Variants in PRMT1 observed in about 807,000 individuals in gnomAD.
PRMT1 encodes the protein protein arginine methyltransferase 1, also known as protein arginine N-methyltransferase 1.
A neutral mutation model predicts 47.4 loss-of-function variants in PRMT1; 5 were observed. The ratio of observed to expected loss-of-function variants is 0.11; its 90% CI spans 0.06 to 0.22. PRMT1 has a LOEUF of 0.22. Among genes scored for constraint, PRMT1 ranks in the 10% least tolerant of loss-of-function variants. The probability of loss-of-function intolerance (pLI) is 1.00; values close to 1 mark genes in which losing one functional copy is unlikely to be tolerated. For missense variants in PRMT1, 249 were observed against 518.4 expected (o/e 0.48, Z 5.05); for synonymous variants, 227 against 204.6 (o/e 1.11, Z -0.94).
chr19:49,687,360 G>A (rs1240011214), intron 10 of PRMT1, among the ~76,000 whole-genome samples: 3 of 152,064 alleles, frequency 2.0e-5, no homozygotes, highest in Non-Finnish European at 2.9e-5. Flanking sequence ...TGGAGTCGCC[G>A]GGAGTGGTCT....
chr19:49,679,767 G>A, intron 1 of PRMT1, 105 bp from the exon 2 acceptor site: 1 of 809,134 alleles, frequency 1.2e-6, no homozygotes, highest in East Asian at 2.6e-5. Context: ...CCAAGAAGGA[G>A]AATTGCTGGA....
intron 5 of PRMT1, among the ~76,000 whole-genome samples, chr19:49,683,125 G>T (rs2082145292): frequency 6.6e-6 from 1 of 150,844 alleles, no homozygotes; most frequent in African/African-American, 2.4e-5. Context: ...CACCATGTTG[G>T]CCAGGCTGGT....
Position 49,685,046 on chromosome 19 carries a change from G to C in PRMT1, c.759+9G>C, listed in dbSNP as rs755095084. On this transcript the variant is annotated intron_variant, in intron 8 of 10. Transcript: ENST00000454376. The surrounding 1 kb of genome is among the most constrained non-coding windows in gnomAD (Gnocchi z 4.7). Reference sequence around the variant, plus strand: ...ACGCCTGCCTCATAAAGGTGAGGGGGTGGGCATGGCCAGGTGCCCCCTGGG... The same window carrying C: ...ACGCCTGCCTCATAAAGGTGAGGGGCTGGGCATGGCCAGGTGCCCCCTGGG... 6.2e-7 allele frequency: 1 copy of C among 1,614,104 alleles called. No individual in the cohort carries two copies. Among genetic ancestry groups the C allele is most frequent in the South Asian group, 1.1e-5 (1 of 91,062 alleles).
chr19:49,677,208 A>T (rs2082046717), upstream of PRMT1: 2 of 1,325,002 alleles, frequency 1.5e-6, no homozygotes, highest in Non-Finnish European at 2.0e-6. Flanking sequence ...ACCCTCTGGT[A>T]TAAGGCGGTC....
chr19:49,678,515 C>T (rs141168366), intron 1 of PRMT1, among the ~76,000 whole-genome samples: 59 of 152,256 alleles, frequency 3.9e-4, no homozygotes, highest in African/African-American at 1.3e-3. Flanking sequence ...TAGGCATCCC[C>T]GCTAGCTTGG....
Position 49,686,535 on chromosome 19 carries a change from CAGAGGGA to C in PRMT1, c.911-68_911-62del. 5 of 1,405,762 alleles carry C rather than the reference CAGAGGGA, an allele frequency of 3.6e-6. No individual in the cohort carries two copies. The South Asian group carries it at 5.1e-5, about 14-fold the overall frequency. 87.1% of individuals were successfully genotyped at this position (1,405,762 alleles called of 1,614,324 possible). On this transcript the variant is annotated intron_variant, in intron 9 of 10. Transcript: ENST00000454376. ...GCTGTCATGGGGGTGGGCATTCCGA[CAGAGGGA>C]ACGCAAGGGTGGGGTTGGGGGGGGC...
chr19:49,688,323 T>C lies in PRMT1; in HGVS notation c.*78T>C. ...TTTCGGGGCTCCCCCTTCCTCTCCC[T>C]CCCTCCCGCAGAAGGGGGTTTTAGG... On this transcript the variant is annotated 3_prime_UTR_variant, in exon 11 of 11. Coordinates refer to ENST00000454376, the MANE Select transcript of PRMT1 (RefSeq NM_001536.6). The surrounding 1 kb of genome is among the most constrained non-coding windows in gnomAD (Gnocchi z 5.3). 1.5e-6 allele frequency: 2 copies of C among 1,320,148 alleles called. No homozygotes were observed. Among genetic ancestry groups the C allele is most frequent in the Admixed American group, 1.7e-5 (1 of 59,056 alleles). The allele number at this position is 1,320,148 out of a possible 1,614,324, so 81.8% of individuals were successfully genotyped here. A position where few individuals can be genotyped will look rare whatever the true frequency, so the allele number is the denominator to read the frequency against.
chr19:49,683,070 G>T (rs1391815312), intron 5 of PRMT1, among the ~76,000 whole-genome samples: 2 of 151,178 alleles, frequency 1.3e-5, no homozygotes, highest in Admixed American at 6.6e-5. Context: ...GATTACAGGT[G>T]TGAACTTTTT....
At position 49,680,726 on chromosome 19, in the gene PRMT1, C is replaced by CCT; in HGVS notation, c.192+138_192+139insCT. The CCT allele has an allele frequency of 2.9e-6, 2 of 679,074 alleles. No individual in the cohort carries two copies. Among genetic ancestry groups the CCT allele is most frequent in the African/African-American group, 1.8e-5 (1 of 55,874 alleles). 42.1% of individuals were successfully genotyped at this position (679,074 alleles called of 1,614,324 possible). The stretch of plus-strand genomic sequence containing the variant: ...CCCCTGCCCCTCTGCTGCGCACTTC[C>CCT]TAGGGTCGCCTCGCCAAGCCGTTGC... On this transcript the variant is annotated intron_variant, in intron 3 of 10. Transcript: ENST00000454376. The surrounding 1 kb of genome is among the most constrained non-coding windows in gnomAD (Gnocchi z 4.2).
At position 49,682,400 on chromosome 19, in the gene PRMT1, G is replaced by A. The variant is rs547996228; in HGVS notation, c.412+141G>A. 69 of 875,112 alleles carry A rather than the reference G, an allele frequency of 7.9e-5. No homozygotes were observed. In the African/African-American group the frequency reaches 9.0e-4, roughly 11 times the overall value. 54.2% of individuals were successfully genotyped at this position (875,112 alleles called of 1,614,324 possible). A position where few individuals can be genotyped will look rare whatever the true frequency, so the allele number is the denominator to read the frequency against. On this transcript the variant is annotated intron_variant, in intron 5 of 10. Coordinates refer to ENST00000454376, the MANE Select transcript of PRMT1 (RefSeq NM_001536.6). ...CCCATGGTCTTTTGGGCTGCCGGCC[G>A]CCTGAGAATCTGAGTGTCAAAATCA...
chr19:49,684,408 G>A lies in PRMT1; in HGVS notation c.555+339G>A, dbSNP rs1178072181. Reference sequence around the variant, plus strand: ...TTGCTGCGTGTGGAACAGCAGGGAGGCCCGTGTGGAAGGAGGGTCTAGAAC... The same window carrying A: ...TTGCTGCGTGTGGAACAGCAGGGAGACCCGTGTGGAAGGAGGGTCTAGAAC... On this transcript the variant is annotated intron_variant, in intron 6 of 10. Coordinates refer to ENST00000454376, the MANE Select transcript of PRMT1 (RefSeq NM_001536.6). The surrounding 1 kb of genome is among the most constrained non-coding windows in gnomAD (Gnocchi z 6.2). Among the ~76,000 whole-genome samples the A allele has an allele frequency of 6.6e-6, 1 of 152,096 alleles. No individual in the cohort carries two copies. Among genetic ancestry groups the A allele is most frequent in the African/African-American group, 2.4e-5 (1 of 41,420 alleles).
upstream of PRMT1, chr19:49,677,256 G>A: frequency 7.0e-7 from 1 of 1,419,642 alleles, no homozygotes; most frequent in South Asian, 1.6e-5. Flanking sequence ...CTTGGCGGCC[G>A]GAGGAGGAGT....
chr19:49,680,093 C>A lies in PRMT1; in HGVS notation c.90+168C>A. On this transcript the variant is annotated intron_variant, in intron 2 of 10. Transcript: ENST00000454376. The surrounding 1 kb of genome is among the most constrained non-coding windows in gnomAD (Gnocchi z 4.2). ...AACCCCTCCAGGTTCACAGCCCCCGCTGGCCTCCCCCAGTATCGCCGCTAC... is the reference window on the plus strand; with the variant it reads ...AACCCCTCCAGGTTCACAGCCCCCGATGGCCTCCCCCAGTATCGCCGCTAC... The A allele has an allele frequency of 9.2e-7, 1 of 1,089,630 alleles. No homozygotes were observed. 67.5% of individuals were successfully genotyped at this position (1,089,630 alleles called of 1,614,324 possible).
intron 1 of PRMT1, 143 bp downstream of exon 1, chr19:49,677,459 C>A (rs1409599945): frequency 4.4e-5 from 28 of 633,630 alleles, no homozygotes; most frequent in Non-Finnish European, 5.9e-5. Context: ...GTTCCACATC[C>A]GGGGATATCG....
chr19:49,686,027 G>T, intron 8 of PRMT1, 66 bp from the exon 9 acceptor site: 1 of 1,564,010 alleles, frequency 6.4e-7, no homozygotes, highest in South Asian at 1.2e-5. Context: ...GGGAGCTTAA[G>T]GGAGGGAGGA....
rs373144744 is a variant in PRMT1, at chr19:49,681,885, C to T, written c.193-25C>T. The T allele has an allele frequency of 2.6e-5, 41 of 1,599,978 alleles. No individual in the cohort carries two copies. Among genetic ancestry groups the T allele is most frequent in the Middle Eastern group, 3.3e-4 (2 of 6,008 alleles). On this transcript the variant is annotated intron_variant, in intron 3 of 10. Transcript: ENST00000454376. The surrounding 1 kb of genome is among the most constrained non-coding windows in gnomAD (Gnocchi z 4.4). ...GCTGGGGATATGGGGCCCCTCACGG[C>T]GTCTCTGTGCCATTCTTGCCCTAGG...
intron 5 of PRMT1, 115 bp downstream of exon 5, chr19:49,682,374 A>AC (rs2082132051): frequency 8.8e-7 from 1 of 1,142,782 alleles, no homozygotes; most frequent in Admixed American, 2.2e-5. Flanking sequence ...GCAGCTCCCA[A>AC]CCCATGGTCT....
intron 1 of PRMT1, among the ~76,000 whole-genome samples, chr19:49,678,056 C>G (rs1168852752): frequency 2.0e-5 from 3 of 152,036 alleles, no homozygotes; most frequent in Non-Finnish European, 4.4e-5. Context: ...AGAGATTTTC[C>G]CATTAATAGG....
In PRMT1 at chr19:49,682,223, G is replaced by T. The variant is rs2082129329; in HGVS notation, c.376G>T (p.Ala126Ser). The T allele has an allele frequency of 6.2e-7, 1 of 1,613,836 alleles. No homozygotes were observed. Among genetic ancestry groups the T allele is most frequent in the African/African-American group, 1.3e-5 (1 of 74,916 alleles). ...GIECSSISDY[A>S]VKIVKANKLD... Reference sequence around the variant, plus strand: ...CGAGTGTTCCAGTATCTCTGATTATGCGGTGAAGATCGTCAAAGCCAACAA... The same window carrying T: ...CGAGTGTTCCAGTATCTCTGATTATTCGGTGAAGATCGTCAAAGCCAACAA... The change falls in exon 5 of 11, where the codon GCG becomes TCG. Residue 126 changes from alanine to serine, a missense_variant. Coordinates refer to ENST00000454376, the MANE Select transcript of PRMT1 (RefSeq NM_001536.6).
Sources: allele counts gnomAD v4.1 joint callset (sites outside exome capture counted in the v4.1 genomes callset), GRCh38; gene constraint gnomAD v4.1.1; non-coding constraint Gnocchi (gnomAD v3.1); transcripts MANE v1.5; gene names NCBI Gene and HGNC (gene_info 2026-07-23, HGNC 2026-07-21).